Variants in KANSL1L observed in about 807,000 individuals in gnomAD.
KANSL1L encodes KAT8 regulatory NSL complex subunit 1 like, also known as KAT8 regulatory NSL complex subunit 1-like protein.
Under a neutral mutation model 108.6 loss-of-function variants are expected in KANSL1L, and 25 were observed. The ratio of observed to expected loss-of-function variants is 0.23; its 90% CI spans 0.17 to 0.32. The LOEUF is 0.32. KANSL1L is among the 10% of genes least tolerant of loss of function. The pLI is 1.00. For synonymous variants in KANSL1L, 405 were observed against 395.1 expected, an observed-to-expected ratio of 1.03 and a Z score of -0.30; for missense variants, 1,137 against 1,125.7, an observed-to-expected ratio of 1.01 and a Z score of -0.14.
chr2:210,057,798 T>A (rs1035005907), intron 6 of KANSL1L, among the ~76,000 whole-genome samples: 1 of 152,248 alleles, frequency 6.6e-6, no homozygotes, highest in African/African-American at 2.4e-5. Context: ...GAAGATTTCA[T>A]GGACACTTAT....
intron 12 of KANSL1L, among the ~76,000 whole-genome samples, chr2:210,025,750 G>A (rs1220408922): frequency 1.3e-5 from 2 of 151,988 alleles, no homozygotes; most frequent in Admixed American, 6.6e-5. Context: ...GGTCTCTGTC[G>A]CCCAGGCTGT....
chr2:210,043,908 G>A (rs772564840), intron 7 of KANSL1L, 31 bp downstream of exon 7: 20 of 1,422,248 alleles, frequency 1.4e-5, no homozygotes, highest in South Asian at 4.2e-5. Flanking sequence ...AGAAAATATC[G>A]TTACTTAGAA....
intron 6 of KANSL1L, among the ~76,000 whole-genome samples, chr2:210,054,187 T>C (rs1046234300): frequency 6.6e-6 from 1 of 151,826 alleles, no homozygotes; most frequent in African/African-American, 2.4e-5. Flanking sequence ...CTGGGCGTGG[T>C]GGCGGGCGCC....
intron 2 of KANSL1L, among the ~76,000 whole-genome samples, chr2:210,139,472 A>C (rs1345098642): frequency 6.6e-6 from 1 of 152,218 alleles, no homozygotes; most frequent in Non-Finnish European, 1.5e-5. Context: ...AAATTTCCAG[A>C]GAAACCTCCT....
rs900203667 is a variant in KANSL1L, at chr2:210,044,896, A to G, written c.1756-792T>C. Reference sequence around the variant, plus strand: ...GCGATTCTCCTGCCTCAGCCTCCTGAGTAACTGGGATTACAGGCACGTGCC... The same window carrying G: ...GCGATTCTCCTGCCTCAGCCTCCTGGGTAACTGGGATTACAGGCACGTGCC... On this transcript the variant is annotated intron_variant, in intron 6 of 14. Transcript: ENST00000281772. The surrounding 1 kb of genome is among the most constrained non-coding windows in gnomAD (Gnocchi z 4.2). 6.6e-6 allele frequency among the ~76,000 whole-genome samples: 1 copy of G among 152,024 alleles called. No individual in the cohort carries two copies. Among genetic ancestry groups the G allele is most frequent in the Non-Finnish European group, 1.5e-5 (1 of 68,000 alleles).
intron 3 of KANSL1L, among the ~76,000 whole-genome samples, chr2:210,125,115 G>T (rs1019449675): frequency 6.6e-6 from 1 of 152,062 alleles, no homozygotes; most frequent in Non-Finnish European, 1.5e-5. Context: ...TTAGCTGGAT[G>T]TGGTGGCGGG....
At chr2:210,079,648 A>ATATGTATGTATGTG (rs1553653239) in intron 5 of KANSL1L, among the ~76,000 whole-genome samples, 2 of 15,220 alleles carry the variant, frequency 1.3e-4, no homozygotes, top group African/African-American at 2.3e-4. Flanking sequence ...ATATATATAT[A>ATATGTATGTATGTG]TATATATATA....
chr2:210,085,514 C>G (rs1457239543), intron 5 of KANSL1L, among the ~76,000 whole-genome samples: 1 of 152,030 alleles, frequency 6.6e-6, no homozygotes, highest in East Asian at 1.9e-4. Flanking sequence ...TAAAGTTTGT[C>G]AAATATTTGT....
At chr2:210,155,257 T>C (rs1269400144) in intron 1 of KANSL1L, 4 of 151,946 alleles carry the variant, frequency 2.6e-5, no homozygotes, top group Middle Eastern at 6.8e-3. Flanking sequence ...ACTAAAAATA[T>C]AAAAATTAGC....
At chr2:210,087,037 T>A (rs542667399) in intron 5 of KANSL1L, among the ~76,000 whole-genome samples, 30 of 151,586 alleles carry the variant, frequency 2.0e-4, no homozygotes, top group Middle Eastern at 3.4e-3. Flanking sequence ...TATTTTATTT[T>A]TTTTTTTTTG....
chr2:210,145,709 T>C (rs1443687212), intron 2 of KANSL1L, among the ~76,000 whole-genome samples: 2 of 152,230 alleles, frequency 1.3e-5, no homozygotes, highest in East Asian at 1.9e-4. Flanking sequence ...ATGTCAGATG[T>C]CTGAGGCACA....
At chr2:210,075,318 A>C (rs1415354305) in intron 6 of KANSL1L, among the ~76,000 whole-genome samples, 1 of 152,208 alleles carries the variant, frequency 6.6e-6, no homozygotes, top group African/African-American at 2.4e-5. Flanking sequence ...TCTTTAAAAA[A>C]ACTGGGGATG....
chr2:210,153,179 C>A (rs2095314214), intron 2 of KANSL1L: 1 of 197,996 alleles, frequency 5.1e-6, no homozygotes, highest in African/African-American at 2.4e-5. Flanking sequence ...CATGGTGAAA[C>A]CTTGCCTCTA....
At chr2:210,098,228 T>C (rs1214432329) in intron 4 of KANSL1L, 21 bp from the exon 5 acceptor site, 4 of 1,601,718 alleles carry the variant, frequency 2.5e-6, no homozygotes. Flanking sequence ...ACAGTCAACC[T>C]TTTACTACTG....
At chr2:210,104,713 C>G (rs1344946165) in intron 3 of KANSL1L, among the ~76,000 whole-genome samples, 1 of 151,990 alleles carries the variant, frequency 6.6e-6, no homozygotes, top group African/African-American at 2.4e-5. Context: ...TTGAGCACTC[C>G]CAATTTTATA....
chr2:210,096,636 G>A (rs2094738436), intron 5 of KANSL1L: 2 of 985,134 alleles, frequency 2.0e-6, no homozygotes, highest in Non-Finnish European at 1.2e-6. Flanking sequence ...TGTGTTTTAT[G>A]GGGCAGCTTA....
At position 210,075,701 on chromosome 2, in the gene KANSL1L, T is replaced by G; in HGVS notation, c.1606A>C (p.Lys536Gln). The change falls in exon 6 of 15, where the codon AAG becomes CAG. Residue 536 changes from lysine (K) to glutamine (Q), a missense_variant. Coordinates refer to ENST00000281772, the MANE Select transcript of KANSL1L (RefSeq NM_152519.4). ...SSSSSWLLNQKHSKKKRKDRT... is the reference protein window; with the variant it reads ...SSSSSWLLNQQHSKKKRKDRT... Reference sequence around the variant, plus strand: ...TCTTTTCTCTTTTTCTTACTGTGCTTCTGGTTAAGTAACCAGCTACTGGAG... The same window carrying G: ...TCTTTTCTCTTTTTCTTACTGTGCTGCTGGTTAAGTAACCAGCTACTGGAG... 6.2e-7 allele frequency: 1 copy of G among 1,613,876 alleles called. No individual in the cohort carries two copies. The highest frequency in any genetic ancestry group is 8.5e-7 in the Non-Finnish European group (1 of 1,179,764).
chr2:210,096,519 C>G (rs1198628330), intron 5 of KANSL1L: 7 of 983,626 alleles, frequency 7.1e-6, no homozygotes, highest in Non-Finnish European at 8.5e-6. Context: ...AACACATGAA[C>G]ACACACATGT....
At chr2:210,059,570 T>C (rs2094397169) in intron 6 of KANSL1L, among the ~76,000 whole-genome samples, 2 of 152,204 alleles carry the variant, frequency 1.3e-5, no homozygotes, top group African/African-American at 4.8e-5. Context: ...ATAAAGCATA[T>C]TTTCTCACAG....
Sources: gnomAD v4.1 joint callset for allele counts (sites outside exome capture counted in the v4.1 genomes callset) on GRCh38, gnomAD v4.1.1 for gene constraint, Gnocchi (gnomAD v3.1) non-coding constraint, MANE v1.5 for transcripts, NCBI Gene and HGNC (gene_info 2026-07-23, HGNC 2026-07-21) for gene names.